Variants in CRAT observed in about 807,000 individuals in gnomAD.
The protein encoded by CRAT is carnitine O-acetyltransferase.
CRAT carries 66 observed loss-of-function variants against 73.7 expected under a neutral mutation model. That is an observed-to-expected ratio of 0.90 (90% CI 0.73 to 1.10). CRAT has a LOEUF of 1.10. CRAT is among the 50% of genes least tolerant of loss of function. The probability of loss-of-function intolerance (pLI) is 0.00; values close to 1 mark genes in which losing one functional copy is unlikely to be tolerated. For synonymous variants in CRAT, 321 were observed against 343.2 expected (o/e 0.94, Z 0.71); for missense variants, 745 against 846.9 (o/e 0.88, Z 1.49).
chr9:129,099,755 A>G, intron 8 of CRAT, 111 bp downstream of exon 8: 1 of 840,984 alleles, frequency 1.2e-6, no homozygotes, highest in Admixed American at 2.7e-5. Flanking sequence ...GGAAAAAAAC[A>G]GATTCCCAGG....
Position 129,106,939 on chromosome 9 carries a change from C to T in CRAT, c.291+875G>A, listed in dbSNP as rs1447420011. On this transcript the variant is annotated intron_variant, in intron 2 of 13. Coordinates refer to ENST00000318080, the MANE Select transcript of CRAT (RefSeq NM_000755.5). This position sits in a 1 kb window ranked among gnomAD's most constrained non-coding sequence, Gnocchi z 4.0. The stretch of plus-strand genomic sequence containing the variant: ...CTAACGACTCTCCCTCTCTCCCATC[C>T]GGTGTCAGACCCAGGCTGCCACAGC... Among the ~76,000 whole-genome samples, 3 of 152,216 alleles carry T rather than the reference C, an allele frequency of 2.0e-5. No homozygotes were observed. The highest frequency in any genetic ancestry group is 6.5e-5 in the Admixed American group (1 of 15,280).
At chr9:129,101,072 G>A (rs557737828) in intron 6 of CRAT, among the ~76,000 whole-genome samples, 1 of 151,856 alleles carries the variant, frequency 6.6e-6, no homozygotes, top group South Asian at 2.1e-4. Context: ...GCTGGTACTT[G>A]GGGGCACAGG....
At chr9:129,102,591 CA>C (rs1847758258) in intron 4 of CRAT, 26 bp from the exon 5 acceptor site, 1 of 1,611,342 alleles carries the variant, frequency 6.2e-7, no homozygotes, top group Admixed American at 1.7e-5. Flanking sequence ...GCAGTGAGGC[CA>C]CCACTGGGCA....
chr9:129,107,174 C>T lies in CRAT; in HGVS notation c.291+640G>A, dbSNP rs541811859. 1.2e-4 allele frequency among the ~76,000 whole-genome samples: 18 copies of T among 152,300 alleles called. No individual in the cohort carries two copies. The highest frequency in any genetic ancestry group is 3.4e-4 in the African/African-American group (14 of 41,556). ...TCAGCCTCCCCAGTATCTGGGATTA[C>T]AGGTGCGTGCCACTACGCCTGGCTA... is the stretch of plus-strand genomic sequence containing the variant. On this transcript the variant is annotated intron_variant, in intron 2 of 13. Coordinates refer to ENST00000318080, the MANE Select transcript of CRAT (RefSeq NM_000755.5). The surrounding 1 kb of genome is among the most constrained non-coding windows in gnomAD (Gnocchi z 5.0).
Position 129,100,695 on chromosome 9 carries a change from G to A in CRAT, c.806-6C>T, listed in dbSNP as rs765529872. 6.2e-7 allele frequency: 1 copy of A among 1,612,146 alleles called. No homozygotes were observed. The highest frequency in any genetic ancestry group is 1.7e-5 in the Admixed American group (1 of 59,936). Reference sequence around the variant, plus strand: ...GGAATCCCGGTTCACCTTGTCTGCAGGTGGCATGGGGCGGGGAGACGCAAA... The same window carrying A: ...GGAATCCCGGTTCACCTTGTCTGCAAGTGGCATGGGGCGGGGAGACGCAAA... On this transcript the variant is annotated splice_region_variant and splice_polypyrimidine_tract_variant and intron_variant, in intron 6 of 13. Transcript: ENST00000318080.
chr9:129,108,178 C>A, intron 1 of CRAT, 101 bp from the exon 2 acceptor site: 2 of 1,402,018 alleles, frequency 1.4e-6, no homozygotes, highest in Middle Eastern at 2.6e-4. Context: ...TCCCTGGGGG[C>A]AGAGACGGCC....
rs1402094452 is a variant in CRAT, at chr9:129,106,751, T to G, written c.291+1063A>C. Among the ~76,000 whole-genome samples the G allele has an allele frequency of 6.6e-6, 1 of 151,672 alleles. No homozygotes were observed. The highest frequency in any genetic ancestry group is 1.9e-4 in the East Asian group (1 of 5,150). Reference sequence around the variant, plus strand: ...CCCAGGGCTAGAGCTCTACCTCCCCTCCCCATGGCACCCCCTATAACACAG... The same window carrying G: ...CCCAGGGCTAGAGCTCTACCTCCCCGCCCCATGGCACCCCCTATAACACAG... On this transcript the variant is annotated intron_variant, in intron 2 of 13. Transcript: ENST00000318080. This position sits in a 1 kb window ranked among gnomAD's most constrained non-coding sequence, Gnocchi z 4.0.
Position 129,103,177 on chromosome 9 carries a change from G to C in CRAT, c.411-111C>G, listed in dbSNP as rs1847798184. ...GTCTAGTCTTCCAGCCTCTCTCACCGCTTCCAGAAAGCCTGGGAGCGCAAG... is the reference window on the plus strand; with the variant it reads ...GTCTAGTCTTCCAGCCTCTCTCACCCCTTCCAGAAAGCCTGGGAGCGCAAG... On this transcript the variant is annotated intron_variant, in intron 3 of 13. Coordinates refer to ENST00000318080, the MANE Select transcript of CRAT (RefSeq NM_000755.5). This position sits in a 1 kb window ranked among gnomAD's most constrained non-coding sequence, Gnocchi z 4.6. The C allele has an allele frequency of 1.1e-6, 1 of 944,736 alleles. No individual in the cohort carries two copies. The highest frequency in any genetic ancestry group is 1.7e-6 in the Non-Finnish European group (1 of 576,004). The allele number at this position is 944,736 out of a possible 1,614,324, so 58.5% of individuals were successfully genotyped here.
chr9:129,109,938 G>T (rs1848298464), intron 1 of CRAT, among the ~76,000 whole-genome samples: 1 of 150,764 alleles, frequency 6.6e-6, no homozygotes, highest in Non-Finnish European at 1.5e-5. Flanking sequence ...TACAGCCAGG[G>T]TGGGGAAGGG....
intron 8 of CRAT, among the ~76,000 whole-genome samples, chr9:129,099,593 ATTT>A (rs67170109): frequency 1.4e-5 from 2 of 145,018 alleles, no homozygotes; most frequent in African/African-American, 5.1e-5. Flanking sequence ...CACCTGGGTA[ATTT>A]TTTTTTTTTT....
rs1847799476 is a variant in CRAT, at chr9:129,103,198, G to GC, written c.411-133dup. 1.3e-6 allele frequency: 1 copy of GC among 784,330 alleles called. No individual in the cohort carries two copies. Among genetic ancestry groups the GC allele is most frequent in the African/African-American group, 1.7e-5 (1 of 58,678 alleles). The allele number at this position is 784,330 out of a possible 1,614,324, so 48.6% of individuals were successfully genotyped here. A position where few individuals can be genotyped will look rare whatever the true frequency, so the allele number is the denominator to read the frequency against. On this transcript the variant is annotated intron_variant, in intron 3 of 13. Coordinates refer to ENST00000318080, the MANE Select transcript of CRAT (RefSeq NM_000755.5). The surrounding 1 kb of genome is among the most constrained non-coding windows in gnomAD (Gnocchi z 4.6). ...CACCGCTTCCAGAAAGCCTGGGAGC[G>GC]CAAGGGAGGGGCCTGCGAGTCCCAG... is the stretch of plus-strand genomic sequence containing the variant.
rs1377406507 is a variant in CRAT at position 129,107,531 on chromosome 9, AC to A, written c.291+282del. 2 of 645,398 alleles carry A rather than the reference AC, an allele frequency of 3.1e-6. No homozygotes were observed. Among genetic ancestry groups the A allele is most frequent in the African/African-American group, 1.8e-5 (1 of 56,330 alleles). 40.0% of individuals were successfully genotyped at this position (645,398 alleles called of 1,614,324 possible). On this transcript the variant is annotated intron_variant, in intron 2 of 13. Coordinates refer to ENST00000318080, the MANE Select transcript of CRAT (RefSeq NM_000755.5). This position sits in a 1 kb window ranked among gnomAD's most constrained non-coding sequence, Gnocchi z 5.0. ...ACAAGGGCATCTTCTATCTGGTTGT[AC>A]CTGCCGTGCACCCCACTCCTGCCTC...
At chr9:129,097,845 G>T in intron 11 of CRAT, 168 bp downstream of exon 11, 2 of 933,352 alleles carry the variant, frequency 2.1e-6, no homozygotes, top group Non-Finnish European at 3.2e-6. Flanking sequence ...TTTCCTCTTT[G>T]GTCCCCAGGA....
chr9:129,099,773 G>A lies in CRAT; in HGVS notation c.1085+93C>T. 3 of 1,003,548 alleles carry A rather than the reference G, an allele frequency of 3.0e-6. No individual in the cohort carries two copies. The South Asian group carries it at 4.8e-5, about 16-fold the overall frequency. 62.2% of individuals were successfully genotyped at this position (1,003,548 alleles called of 1,614,324 possible). A position where few individuals can be genotyped will look rare whatever the true frequency, so the allele number is the denominator to read the frequency against. On this transcript the variant is annotated intron_variant, in intron 8 of 13. Coordinates refer to ENST00000318080, the MANE Select transcript of CRAT (RefSeq NM_000755.5). Reference sequence around the variant, plus strand: ...AAAAAACAGATTCCCAGGCACAAAGGAGAGTGATATTTCTCTATAAGCTGG... The same window carrying A: ...AAAAAACAGATTCCCAGGCACAAAGAAGAGTGATATTTCTCTATAAGCTGG...
Position 129,110,646 on chromosome 9 carries a change from G to T in CRAT, c.-137C>A. ...CAAGGTCGCTGAGTTACAGCCGCCA[G>T]CCGGTAGAGGCAGCCCCGCGCCCAC... On this transcript the variant is annotated 5_prime_UTR_variant, in exon 1 of 14. In the 5' UTR this introduces an upstream ATG that the reference lacks. Coordinates refer to ENST00000318080, the MANE Select transcript of CRAT (RefSeq NM_000755.5). This position sits in a 1 kb window ranked among gnomAD's most constrained non-coding sequence, Gnocchi z 5.3. 2 of 1,059,310 alleles carry T rather than the reference G, an allele frequency of 1.9e-6. No individual in the cohort carries two copies. Among genetic ancestry groups the T allele is most frequent in the Non-Finnish European group, 2.6e-6 (2 of 783,990 alleles). 65.6% of individuals were successfully genotyped at this position (1,059,310 alleles called of 1,614,324 possible).
At position 129,100,676 on chromosome 9, in the gene CRAT, C is replaced by T. The variant is rs142940387; in HGVS notation, c.819G>A (p.Arg273=). ...YNTLIKDKVN[R]DSVRSIQKSI... is the part of the protein sequence containing the mutation. Reference sequence around the variant, plus strand: ...TCTTCTGGATGGAGCGCACGGAATCCCGGTTCACCTTGTCTGCAGGTGGCA... The same window carrying T: ...TCTTCTGGATGGAGCGCACGGAATCTCGGTTCACCTTGTCTGCAGGTGGCA... The change falls in exon 7 of 14, where the codon CGG becomes CGA. Residue 273 remains arginine (R), a synonymous_variant. Transcript: ENST00000318080. 3.7e-6 allele frequency: 6 copies of T among 1,613,432 alleles called. No individual in the cohort carries two copies. In the African/African-American group the frequency reaches 6.7e-5, roughly 18 times the overall value.
intron 1 of CRAT, chr9:129,109,021 T>C: frequency 8.1e-7 from 1 of 1,229,924 alleles, no homozygotes; most frequent in African/African-American, 1.6e-5. Flanking sequence ...TAGAAGCTGC[T>C]CCACCCTCCC....
At chr9:129,101,007 C>T (rs575113615) in intron 6 of CRAT, among the ~76,000 whole-genome samples, 34 of 152,376 alleles carry the variant, frequency 2.2e-4, no homozygotes, top group Admixed American at 4.6e-4. Context: ...GGAACCCACA[C>T]AGGTGGTCTG....
At chr9:129,099,771 A>C (rs1847541159) in intron 8 of CRAT, 95 bp downstream of exon 8, 4 of 990,790 alleles carry the variant, frequency 4.0e-6, no homozygotes, top group Non-Finnish European at 6.1e-6. Context: ...CCAGGCACAA[A>C]GGAGAGTGAT....
Sources: allele counts gnomAD v4.1 joint callset (sites outside exome capture counted in the v4.1 genomes callset), GRCh38; gene constraint gnomAD v4.1.1; non-coding constraint Gnocchi (gnomAD v3.1); transcripts MANE v1.5; gene names NCBI Gene and HGNC (gene_info 2026-07-23, HGNC 2026-07-21).